The following SPATA13 variants were observed in gnomAD, a reference collection of about 807,000 sequenced individuals.
The protein encoded by SPATA13 is spermatogenesis associated 13, also known as spermatogenesis-associated protein 13.
SPATA13 carries 50 observed loss-of-function variants against 104.0 expected under a neutral mutation model. The ratio of observed to expected loss-of-function variants is 0.48; its 90% CI spans 0.38 to 0.61. SPATA13 has a LOEUF of 0.61. Ranked by LOEUF, SPATA13 falls within the 20% of genes least tolerant of loss-of-function variation. The pLI, the probability that SPATA13 is intolerant of heterozygous loss-of-function variation, is 0.00. For synonymous variants in SPATA13, 606 were observed against 667.5 expected (o/e 0.91, Z 1.42); for missense variants, 1,524 against 1,690.6 (o/e 0.90, Z 1.73).
At chr13:24,021,459 C>T (rs1315039811) in intron 3 of SPATA13, among the ~76,000 whole-genome samples, 1 of 152,204 alleles carries the variant, frequency 6.6e-6, no homozygotes, top group Non-Finnish European at 1.5e-5. Context: ...TACCACTCTA[C>T]TCCAGTCTGG....
At chr13:24,202,897 G>A (rs1198880219) in intron 1 of SPATA13, among the ~76,000 whole-genome samples, 1 of 152,106 alleles carries the variant, frequency 6.6e-6, no homozygotes, top group Admixed American at 6.5e-5. Context: ...GAGTGGAGAA[G>A]TCGACAAGCA....
At chr13:24,067,625 G>A (rs1007825890) in intron 3 of SPATA13, among the ~76,000 whole-genome samples, 1 of 152,188 alleles carries the variant, frequency 6.6e-6, no homozygotes, top group Non-Finnish European at 1.5e-5. Context: ...AGCGTGGAAG[G>A]CTCTATGCTG....
intron 1 of SPATA13, among the ~76,000 whole-genome samples, chr13:24,222,353 T>C (rs145483886): frequency 6.6e-6 from 1 of 152,336 alleles, no homozygotes; most frequent in African/African-American, 2.4e-5. Context: ...CTCATGCTTA[T>C]TCCTGCGTGT....
intron 2 of SPATA13, among the ~76,000 whole-genome samples, chr13:24,000,524 G>A (rs1875907851): frequency 6.6e-6 from 1 of 152,136 alleles, no homozygotes; most frequent in Non-Finnish European, 1.5e-5. Context: ...GCCTTCTAGG[G>A]GGAAGACAGG....
At chr13:24,135,590 C>T (rs958191780) in intron 3 of SPATA13, among the ~76,000 whole-genome samples, 4 of 148,054 alleles carry the variant, frequency 2.7e-5, no homozygotes, top group Non-Finnish European at 5.9e-5. Flanking sequence ...CCCAGCTACT[C>T]GGGAGGCTGA....
chr13:24,284,085 A>T (rs1467148524), intron 4 of SPATA13, 50 bp from the exon 5 acceptor site: 1 of 1,557,246 alleles, frequency 6.4e-7, no homozygotes, highest in Non-Finnish European at 8.7e-7. Flanking sequence ...ATATGAAAAA[A>T]TCTTGTTAGC....
chr13:24,122,071 C>CA (rs1301542187), intron 3 of SPATA13: 2 of 1,588,166 alleles, frequency 1.3e-6, no homozygotes, highest in African/African-American at 2.7e-5. Flanking sequence ...TAACTCAATT[C>CA]ATCCCTGGTG....
At chr13:24,209,773 T>C (rs1408167421) in intron 1 of SPATA13, among the ~76,000 whole-genome samples, 1 of 152,184 alleles carries the variant, frequency 6.6e-6, no homozygotes, top group African/African-American at 2.4e-5. Flanking sequence ...TTTTTTTGGA[T>C]ATATACCCAG....
chr13:24,108,336 C>T (rs1398444931), intron 3 of SPATA13, among the ~76,000 whole-genome samples: 1 of 152,244 alleles, frequency 6.6e-6, no homozygotes, highest in East Asian at 1.9e-4. Context: ...CACCTTTGCA[C>T]CGAGGCTTAA....
At chr13:24,154,850 T>C (rs887247267) in intron 3 of SPATA13, among the ~76,000 whole-genome samples, 1 of 152,204 alleles carries the variant, frequency 6.6e-6, no homozygotes, top group African/African-American at 2.4e-5. Context: ...GTGTGACTGA[T>C]AGACCAGTTT....
At chr13:24,040,058 T>G (rs745910575) in intron 3 of SPATA13, among the ~76,000 whole-genome samples, 3 of 152,152 alleles carry the variant, frequency 2.0e-5, no homozygotes, top group Non-Finnish European at 4.4e-5. Context: ...GTGAGCATAT[T>G]CAGATGATCA....
At chr13:24,300,082 T>C (rs959383241) in intron 11 of SPATA13, among the ~76,000 whole-genome samples, 4 of 152,156 alleles carry the variant, frequency 2.6e-5, no homozygotes, top group Non-Finnish European at 4.4e-5. Flanking sequence ...ATCCTTTAGG[T>C]TATAATTGGG....
At chr13:24,115,067 C>T (rs980693863) in intron 3 of SPATA13, among the ~76,000 whole-genome samples, 3 of 152,232 alleles carry the variant, frequency 2.0e-5, no homozygotes, top group South Asian at 2.1e-4. Flanking sequence ...TCTTGTTTGC[C>T]GTATATGCTC....
chr13:24,171,029 A>T (rs955908350), intron 1 of SPATA13, among the ~76,000 whole-genome samples: 2 of 151,900 alleles, frequency 1.3e-5, no homozygotes, highest in Non-Finnish European at 2.9e-5. Flanking sequence ...ACATTCCTCC[A>T]TGCCCCTTCT....
At position 24,161,938 on chromosome 13, in the gene SPATA13, A is replaced by G. The variant is rs1477192357; in HGVS notation, c.-112+1006A>G. ...GTCACCCAGCGATTTGCTCTCCTTT[A>G]TTCCCCTTGCTAACAGGCGGAGAAA... is the stretch of plus-strand genomic sequence containing the variant. On this transcript the variant is annotated intron_variant, in intron 1 of 12. Coordinates refer to ENST00000382108, the MANE Select transcript of SPATA13 (RefSeq NM_001166271.3). This position sits in a 1 kb window ranked among gnomAD's most constrained non-coding sequence, Gnocchi z 4.5. Among the ~76,000 whole-genome samples the G allele has an allele frequency of 6.6e-6, 1 of 151,300 alleles. No homozygotes were observed. The highest frequency in any genetic ancestry group is 1.5e-5 in the Non-Finnish European group (1 of 67,872).
intron 3 of SPATA13, among the ~76,000 whole-genome samples, chr13:24,150,271 C>T (rs1045057413): frequency 2.0e-5 from 3 of 152,276 alleles, no homozygotes; most frequent in East Asian, 1.9e-4. Context: ...GTGCACCCAC[C>T]GCATGTCCTC....
intron 1 of SPATA13, among the ~76,000 whole-genome samples, chr13:24,219,465 A>G (rs905780567): frequency 5.3e-5 from 8 of 152,370 alleles, no homozygotes; most frequent in African/African-American, 7.2e-5. Flanking sequence ...TCTTCACTCT[A>G]TAAAAACATA....
Position 24,072,831 on chromosome 13 carries a change from T to TTGTTTTTTTG in SPATA13, c.-112+55131_-112+55132insGTTTTTTTGT, listed in dbSNP as rs1346412584. ...CAGTGTCTACTGTTGGCTCCTTTTT[T>TTGTTTTTTTG]TTTTTTTTTTTTACATCCCCTTAAG... is the stretch of plus-strand genomic sequence containing the variant. On this transcript the variant is annotated intron_variant, in intron 3 of 14. Transcript: ENST00000424834. Among the ~76,000 whole-genome samples, 10 of 148,978 alleles carry TTGTTTTTTTG rather than the reference T, an allele frequency of 6.7e-5. No individual in the cohort carries two copies. The East Asian group carries it at 2.0e-3, about 29-fold the overall frequency.
At position 24,031,434 on chromosome 13, in the gene SPATA13, T is replaced by G. The variant is rs574428476; in HGVS notation, c.-112+13733T>G. Among the ~76,000 whole-genome samples, 64 of 152,342 alleles carry G rather than the reference T, an allele frequency of 4.2e-4. 1 individual carries two copies. The South Asian group carries it at 0.013, about 31-fold the overall frequency. On this transcript the variant is annotated intron_variant, in intron 3 of 14. Transcript: ENST00000424834. ...AGAGAGAGTCCTTTTCGGTAACTTG[T>G]GTCCACTTTCCCAGATCTTTCCAGA...
Sources: allele counts gnomAD v4.1 joint callset (sites outside exome capture counted in the v4.1 genomes callset), GRCh38; gene constraint gnomAD v4.1.1; non-coding constraint Gnocchi (gnomAD v3.1); transcripts MANE v1.5; gene names NCBI Gene and HGNC (gene_info 2026-07-23, HGNC 2026-07-21).